The following SLC20A1 variants were observed in gnomAD, a reference collection of about 807,000 sequenced individuals.
SLC20A1 encodes solute carrier family 20 member 1.
SLC20A1 carries 28 observed loss-of-function variants against 62.7 expected under a neutral mutation model. The observed-to-expected ratio is 0.45, with a 90% CI of 0.33 to 0.61. The LOEUF (loss-of-function observed/expected upper bound fraction) is 0.61. Ranked by LOEUF, SLC20A1 falls within the 20% of genes least tolerant of loss-of-function variation. The pLI is 0.02. For synonymous variants in SLC20A1, 305 were observed against 302.9 expected (o/e 1.01, Z -0.07); for missense variants, 673 against 838.6 (o/e 0.80, Z 2.44).
chr2:112,648,738 G>C (rs1238936982), intron 4 of SLC20A1, among the ~76,000 whole-genome samples: 3 of 152,182 alleles, frequency 2.0e-5, no homozygotes, highest in Non-Finnish European at 4.4e-5. Context: ...AATATCTTTA[G>C]CCTGGTATAA....
At chr2:112,647,775 G>T in intron 4 of SLC20A1, 37 bp downstream of exon 4, 1 of 1,501,272 alleles carries the variant, frequency 6.7e-7, no homozygotes. Context: ...CTTTCATGGA[G>T]CACACCCAAT....
chr2:112,649,129 C>T (rs942531887), intron 4 of SLC20A1, among the ~76,000 whole-genome samples: 1 of 152,208 alleles, frequency 6.6e-6, no homozygotes, highest in African/African-American at 2.4e-5. Context: ...AATGGTGGTG[C>T]TCTGAGGTGC....
intron 5 of SLC20A1, 188 bp downstream of exon 5, chr2:112,652,986 G>A: frequency 6.9e-7 from 1 of 1,443,262 alleles, no homozygotes; most frequent in Non-Finnish European, 9.5e-7. Context: ...CAACCAAAGA[G>A]ACCTGCTCAG....
chr2:112,656,175 G>T, intron 5 of SLC20A1, among the ~76,000 whole-genome samples: 1 of 145,374 alleles, frequency 6.9e-6, no homozygotes. Context: ...CTTTGTGTGT[G>T]AGAAAGACAA....
intron 9 of SLC20A1, 127 bp downstream of exon 9, chr2:112,660,699 A>AG (rs5833454): frequency 0.83 from 677,761 of 821,240 alleles, 282,280 homozygotes; most frequent in East Asian, 1. Flanking sequence ...TCTTATTGTC[A>AG]TTGTTCTTTT....
At chr2:112,656,168 T>C (rs942539142) in intron 5 of SLC20A1, among the ~76,000 whole-genome samples, 3 of 145,516 alleles carry the variant, frequency 2.1e-5, no homozygotes, top group Non-Finnish European at 4.4e-5. Context: ...CACTAAACTT[T>C]GTGTGTGAGA....
chr2:112,659,818 G>C, intron 8 of SLC20A1, 56 bp downstream of exon 8: 2 of 1,476,492 alleles, frequency 1.4e-6, no homozygotes, highest in Non-Finnish European at 1.8e-6. Flanking sequence ...ATTTATCCTT[G>C]TCACAGGCCT....
At chr2:112,647,546 A>G in intron 3 of SLC20A1, 82 bp downstream of exon 3, 1 of 1,583,122 alleles carries the variant, frequency 6.3e-7, no homozygotes, top group Non-Finnish European at 8.7e-7. Context: ...GATGTGTTCT[A>G]ACGTCGAGGG....
At position 112,646,611 on chromosome 2, in the gene SLC20A1, C is replaced by T. The variant is rs1455211167; in HGVS notation, c.-218C>T. 4.7e-6 allele frequency: 1 copy of T among 213,818 alleles called. No homozygotes were observed. The highest frequency in any genetic ancestry group is 2.3e-5 in the African/African-American group (1 of 43,230). The allele number at this position is 213,818 out of a possible 1,614,324, so 13.2% of individuals were successfully genotyped here. A position where few individuals can be genotyped will look rare whatever the true frequency, so the allele number is the denominator to read the frequency against. On this transcript the variant is annotated 5_prime_UTR_variant, in exon 2 of 11. Transcript: ENST00000272542. ...CTCCGCCATGGAATTCTGCTCCGTG[C>T]TTTTAGCCCTCCTGAGCCAAAGAAA...
Position 112,663,065 on chromosome 2 carries a change from A to C in SLC20A1, c.*40A>C. On this transcript the variant is annotated 3_prime_UTR_variant, in exon 11 of 11. Coordinates refer to ENST00000272542, the MANE Select transcript of SLC20A1 (RefSeq NM_005415.5). Reference sequence around the variant, plus strand: ...AAAATTTGTGTCAATGTTTGGGACCATCTTAGGTATTCCTGCTCCCCTGAA... The same window carrying C: ...AAAATTTGTGTCAATGTTTGGGACCCTCTTAGGTATTCCTGCTCCCCTGAA... The C allele has an allele frequency of 6.2e-7, 1 of 1,604,544 alleles. No homozygotes were observed. Among genetic ancestry groups the C allele is most frequent in the East Asian group, 2.2e-5 (1 of 44,818 alleles).
At chr2:112,658,482 C>G (rs1686658164) in intron 6 of SLC20A1, 1 of 186,300 alleles carries the variant, frequency 5.4e-6, no homozygotes, top group South Asian at 1.4e-4. Context: ...CTACTTTCCC[C>G]TACAGAATGA....
rs750258791 is a variant in SLC20A1 at position 112,647,307 on chromosome 2, A to AGG, written c.335-17_335-16insGG. The stretch of plus-strand genomic sequence containing the variant: ...GGAATTTTGATATTTACTTAATAAA[A>AGG]CTTTACTATGTTTCAGGTTCTGCTG... On this transcript the variant is annotated splice_polypyrimidine_tract_variant and intron_variant, in intron 2 of 10. Transcript: ENST00000272542. The AGG allele has an allele frequency of 5.0e-6, 8 of 1,609,348 alleles. No individual in the cohort carries two copies. The highest frequency in any genetic ancestry group is 6.8e-6 in the Non-Finnish European group (8 of 1,177,972).
At chr2:112,651,235 C>T (rs1463828561) in intron 4 of SLC20A1, among the ~76,000 whole-genome samples, 1 of 152,170 alleles carries the variant, frequency 6.6e-6, no homozygotes, top group African/African-American at 2.4e-5. Flanking sequence ...TCTTAAGCTA[C>T]TAACTTTCCA....
chr2:112,654,749 A>C (rs1436899474), intron 5 of SLC20A1, among the ~76,000 whole-genome samples: 1 of 151,906 alleles, frequency 6.6e-6, no homozygotes. Flanking sequence ...TAGAAAAACT[A>C]ACCAGGTGCA....
intron 4 of SLC20A1, among the ~76,000 whole-genome samples, chr2:112,651,696 G>A (rs527895230): frequency 1.2e-4 from 19 of 152,212 alleles, no homozygotes; most frequent in African/African-American, 9.6e-5. Flanking sequence ...GTGAGCCACC[G>A]CGCCCAGCCT....
At chr2:112,649,412 A>G (rs17042207) in intron 4 of SLC20A1, among the ~76,000 whole-genome samples, 2 of 152,154 alleles carry the variant, frequency 1.3e-5, no homozygotes, top group African/African-American at 4.8e-5. Flanking sequence ...TTGAGTATGA[A>G]TATTTCTGCT....
At chr2:112,654,320 A>C (rs1301862760) in intron 5 of SLC20A1, among the ~76,000 whole-genome samples, 1 of 152,220 alleles carries the variant, frequency 6.6e-6, no homozygotes. Flanking sequence ...TGATAAACTA[A>C]AAAGTCTCCC....
chr2:112,661,579 T>TG (rs1186235381), intron 10 of SLC20A1, among the ~76,000 whole-genome samples: 8 of 152,204 alleles, frequency 5.3e-5, no homozygotes, highest in Admixed American at 3.9e-4. Flanking sequence ...GTTGGAGTCT[T>TG]GCTGTGTCAC....
Position 112,658,738 on chromosome 2 carries a change from A to C in SLC20A1, c.779-87A>C, listed in dbSNP as rs1460550812. The stretch of plus-strand genomic sequence containing the variant: ...TCACATACATTCTTGTTTTGAGATG[A>C]GTTTTTTGGGGGTGGAGGAAAGGAG... On this transcript the variant is annotated intron_variant, in intron 6 of 10. Transcript: ENST00000272542. 2.1e-6 allele frequency: 3 copies of C among 1,396,728 alleles called. No individual in the cohort carries two copies. The East Asian group carries it at 6.9e-5, about 32-fold the overall frequency. 86.5% of individuals were successfully genotyped at this position (1,396,728 alleles called of 1,614,324 possible). A position where few individuals can be genotyped will look rare whatever the true frequency, so the allele number is the denominator to read the frequency against.
Sources: allele counts gnomAD v4.1 joint callset (sites outside exome capture counted in the v4.1 genomes callset), GRCh38; gene constraint gnomAD v4.1.1; transcripts MANE v1.5; gene names NCBI Gene and HGNC (gene_info 2026-07-23, HGNC 2026-07-21).